The following SH2D3A variants were observed in gnomAD, a reference collection of about 807,000 sequenced individuals.
The protein encoded by SH2D3A is SH2 domain-containing protein 3A.
A neutral mutation model predicts 50.6 loss-of-function variants in SH2D3A; 46 were observed. The ratio of observed to expected loss-of-function variants is 0.91; its 90% CI spans 0.72 to 1.16. SH2D3A has a LOEUF of 1.16. SH2D3A is among the 50% of genes most tolerant of loss of function. The pLI, the probability that SH2D3A is intolerant of heterozygous loss-of-function variation, is 0.00. For synonymous variants in SH2D3A, 377 were observed against 348.4 expected (o/e 1.08, Z -0.91); for missense variants, 783 against 786.2 (o/e 1.00, Z 0.05).
Position 6,754,412 on chromosome 19 carries a change from CCA to C in SH2D3A, c.1109_1110del (p.Leu370ArgfsTer77), listed in dbSNP as rs1257105020. The C allele has an allele frequency of 6.6e-7, 1 of 1,524,854 alleles. No individual in the cohort carries two copies. The highest frequency in any genetic ancestry group is 8.7e-7 in the Non-Finnish European group (1 of 1,147,594). The allele number at this position is 1,524,854 out of a possible 1,614,324, so 94.5% of individuals were successfully genotyped here. A position where few individuals can be genotyped will look rare whatever the true frequency, so the allele number is the denominator to read the frequency against. On this transcript the variant is annotated frameshift_variant, in exon 7 of 10. Coordinates refer to ENST00000245908, the MANE Select transcript of SH2D3A (RefSeq NM_005490.3). LOFTEE classifies it high-confidence loss of function. ...RLELLERHQT[L>X]ALAGALAVLG... is the part of the protein sequence containing the mutation. ...AGCACCGCCAGCGCCCCGGCCAGCG[CCA>C]GTGTCTGATGCCTGCAGAGGTGGAG...
At chr19:6,767,046 A>C (rs531711962) in intron 1 of SH2D3A, among the ~76,000 whole-genome samples, 14 of 152,292 alleles carry the variant, frequency 9.2e-5, no homozygotes, top group African/African-American at 2.9e-4. Context: ...TGGAGAGATC[A>C]GGAGGAGAGA....
chr19:6,764,866 T>G (rs1443993012), intron 1 of SH2D3A, among the ~76,000 whole-genome samples: 1 of 143,372 alleles, frequency 7.0e-6, no homozygotes, highest in Non-Finnish European at 1.5e-5. Flanking sequence ...CCACTGTACC[T>G]GGCTAATTTT....
chr19:6,764,902 A>G (rs10423938), intron 1 of SH2D3A, among the ~76,000 whole-genome samples: 33,560 of 131,458 alleles, frequency 0.26, 4,746 homozygotes, highest in African/African-American at 0.4. Flanking sequence ...TTTTGAGATC[A>G]AGTCTCACTC....
chr19:6,766,000 GATA>G (rs570236641), intron 1 of SH2D3A, among the ~76,000 whole-genome samples: 4 of 152,276 alleles, frequency 2.6e-5, no homozygotes, highest in African/African-American at 7.2e-5. Flanking sequence ...TCCAGAAGAA[GATA>G]ATCTGCTTCT....
intron 2 of SH2D3A, among the ~76,000 whole-genome samples, chr19:6,762,879 A>G (rs1970106434): frequency 6.6e-6 from 1 of 151,778 alleles, no homozygotes; most frequent in Admixed American, 6.6e-5. Flanking sequence ...GTCCTGCCCA[A>G]GGTCACATAC....
chr19:6,753,310 C>G (rs1969433187), intron 9 of SH2D3A, 146 bp downstream of exon 9: 7 of 1,396,036 alleles, frequency 5.0e-6, no homozygotes, highest in Non-Finnish European at 6.5e-6. Flanking sequence ...TGAGAACCTT[C>G]CTGGAGTGGA....
chr19:6,757,189 T>C (rs1186336354), intron 4 of SH2D3A: 1 of 151,972 alleles, frequency 6.6e-6, no homozygotes, highest in Admixed American at 6.6e-5. Flanking sequence ...ACTAAGACTT[T>C]TGGGAGACTG....
Sources: allele counts gnomAD v4.1 joint callset (sites outside exome capture counted in the v4.1 genomes callset), GRCh38; gene constraint gnomAD v4.1.1; transcripts MANE v1.5; gene names NCBI Gene and HGNC (gene_info 2026-07-23, HGNC 2026-07-21).